C19orf38: variants seen among roughly 807,000 people sequenced by gnomAD.
The protein encoded by C19orf38 is protein HIDE1.
In C19orf38, 14 loss-of-function variants were observed where a neutral mutation model predicts 26.6. The ratio of observed to expected loss-of-function variants is 0.53; its 90% CI spans 0.35 to 0.82. C19orf38 has a LOEUF of 0.82. C19orf38 is among the 40% of genes least tolerant of loss of function. The pLI is 0.01. For missense variants in C19orf38, 261 were observed against 299.5 expected (o/e 0.87, Z 0.95); for synonymous variants, 132 against 128.5 (o/e 1.03, Z -0.18).
In C19orf38 at chr19:10,859,314, GTGTGTGTGTGTATGTA is replaced by G. The variant is rs1179975724; in HGVS notation, c.462-589_462-574del. On this transcript the variant is annotated intron_variant, in intron 4 of 6. Transcript: ENST00000397820. ...TGTATATGTGTGTGTGTGTATGTAT[GTGTGTGTGTGTATGTA>G]TGTGTGTGTGTGTGTGTGTATATAT... 1.1e-4 allele frequency among the ~76,000 whole-genome samples: 15 copies of G among 137,738 alleles called. No homozygotes were observed. In the South Asian group the frequency reaches 1.8e-3, roughly 17 times the overall value. 90.4% of individuals were successfully genotyped at this position (137,738 alleles called of 152,430 possible).
rs889798288 is a variant in C19orf38, at chr19:10,865,781, C to T, written c.543+2574C>T. On this transcript the variant is annotated intron_variant, in intron 6 of 6. Coordinates refer to ENST00000397820, the MANE Select transcript of C19orf38 (RefSeq NM_001136482.3). ...TTAGCAGCTGCACGTGGCAAATACA[C>T]GCAGAAGTGGATCTGTACCTTCACC... 2.6e-5 allele frequency among the ~76,000 whole-genome samples: 4 copies of T among 152,130 alleles called. No homozygotes were observed. In the South Asian group the frequency reaches 6.2e-4, roughly 24 times the overall value.
At chr19:10,848,842 C>A (rs2073541146) in intron 1 of C19orf38, among the ~76,000 whole-genome samples, 1 of 151,216 alleles carries the variant, frequency 6.6e-6, no homozygotes, top group Non-Finnish European at 1.5e-5. Flanking sequence ...TCCTTGAGTG[C>A]TGGGGCAGCA....
intron 6 of C19orf38, among the ~76,000 whole-genome samples, chr19:10,864,087 G>A (rs778272290): frequency 1.8e-4 from 28 of 152,188 alleles, no homozygotes; most frequent in South Asian, 1.2e-3. Context: ...TCAAGACAGA[G>A]TCTAGCTCTG....
At chr19:10,851,030 T>G (rs191099904) in intron 2 of C19orf38, among the ~76,000 whole-genome samples, 100 of 152,304 alleles carry the variant, frequency 6.6e-4, no homozygotes, top group African/African-American at 2.4e-3. Context: ...GTGACATACA[T>G]TACTTCCCCT....
chr19:10,863,039 C>A, intron 5 of C19orf38, 131 bp from the exon 6 acceptor site: 2 of 889,710 alleles, frequency 2.2e-6, no homozygotes, highest in South Asian at 1.5e-5. Context: ...GTTGGAAAGG[C>A]GCCATAGAGG....
At chr19:10,842,965 T>C (rs1201783583) in intron 1 of C19orf38, among the ~76,000 whole-genome samples, 2 of 152,142 alleles carry the variant, frequency 1.3e-5, no homozygotes, top group Admixed American at 1.3e-4. Context: ...AATGAGGAAA[T>C]GCTGACAATT....
Position 10,856,269 on chromosome 19 carries a change from C to G in C19orf38, c.345C>G (p.Pro115=), listed in dbSNP as rs1266150714. The G allele has an allele frequency of 6.4e-7, 1 of 1,550,588 alleles. No homozygotes were observed. ...TCTTTTCTGATTTTCCTCCAGTGCC[C>G]ACTTGGATCTTGGTGCTCTCCCTGA... ...SEPVNVSFPV[P]TWILVLSLSL... is the part of the protein sequence containing the mutation. Residue 115 remains proline, a synonymous_variant, in exon 3 of 7, where the codon CCC becomes CCG. Coordinates refer to ENST00000397820, the MANE Select transcript of C19orf38 (RefSeq NM_001136482.3).
Position 10,869,324 on chromosome 19 carries a change from C to T in C19orf38, c.650C>T (p.Ser217Leu), listed in dbSNP as rs769708747. 5 of 1,551,412 alleles carry T rather than the reference C, an allele frequency of 3.2e-6. No individual in the cohort carries two copies. Among genetic ancestry groups the T allele is most frequent in the Admixed American group, 2.0e-5 (1 of 50,952 alleles). The change falls in exon 7 of 7, where the codon TCG becomes TTG. Residue 217 changes from serine to leucine, a missense_variant. Transcript: ENST00000397820. ...AAGAGGCCCACTTCCACGTCCTCCT[C>T]GCCTGAGACCCCCGAATTCAGCACT... ...TRKRPTSTSS[S>L]PETPEFSTFR...
At chr19:10,866,309 T>C (rs2073750720) in intron 6 of C19orf38, among the ~76,000 whole-genome samples, 3 of 150,080 alleles carry the variant, frequency 2.0e-5, no homozygotes, top group Non-Finnish European at 4.4e-5. Flanking sequence ...CAAGCGATTC[T>C]CCTGCCGAGT....
Position 10,857,366 on chromosome 19 carries a change from A to ATATTT in C19orf38, c.434-949_434-948insATTTT, listed in dbSNP as rs1433358051. Reference sequence around the variant, plus strand: ...TATATATATATATATATATATATATATTTTTTTTTTTTTTTTTTTAAGATG... The same window carrying ATATTT: ...TATATATATATATATATATATATATATATTTTTTTTTTTTTTTTTTTTTTAAGATG... On this transcript the variant is annotated intron_variant, in intron 3 of 6. Coordinates refer to ENST00000397820, the MANE Select transcript of C19orf38 (RefSeq NM_001136482.3). Among the ~76,000 whole-genome samples the ATATTT allele has an allele frequency of 1.3e-3, 75 of 56,082 alleles. 1 individual carries two copies. The highest frequency in any genetic ancestry group is 4.0e-3 in the South Asian group (6 of 1,514). The allele number at this position is 56,082 out of a possible 152,430, so 36.8% of individuals were successfully genotyped here.
chr19:10,853,576 A>G (rs918279743), intron 2 of C19orf38, among the ~76,000 whole-genome samples: 7 of 144,032 alleles, frequency 4.9e-5, no homozygotes, highest in East Asian at 4.1e-4. Flanking sequence ...GTGAGCCACC[A>G]TGCCCAGCTC....
chr19:10,853,593 A>ATT lies in C19orf38; in HGVS notation c.341-2657_341-2656dup, dbSNP rs1386254257. Reference sequence around the variant, plus strand: ...GAGCCACCATGCCCAGCTCCCCCCAATTTTTTTTTTTTTTTTGAGACAGTC... The same window carrying ATT: ...GAGCCACCATGCCCAGCTCCCCCCAATTTTTTTTTTTTTTTTTTGAGACAGTC... On this transcript the variant is annotated intron_variant, in intron 2 of 6. Coordinates refer to ENST00000397820, the MANE Select transcript of C19orf38 (RefSeq NM_001136482.3). 1.5e-4 allele frequency among the ~76,000 whole-genome samples: 17 copies of ATT among 112,340 alleles called. 1 individual carries two copies. Among genetic ancestry groups the ATT allele is most frequent in the East Asian group, 2.7e-4 (1 of 3,726 alleles). The allele number at this position is 112,340 out of a possible 152,430, so 73.7% of individuals were successfully genotyped here. A position where few individuals can be genotyped will look rare whatever the true frequency, so the allele number is the denominator to read the frequency against.
upstream of C19orf38, among the ~76,000 whole-genome samples, chr19:10,845,333 A>G (rs1228723214): frequency 6.6e-6 from 1 of 152,224 alleles, no homozygotes; most frequent in Non-Finnish European, 1.5e-5. Context: ...CATTCTAAAA[A>G]GTCAGTACAT....
intron 6 of C19orf38, among the ~76,000 whole-genome samples, chr19:10,865,397 T>C (rs2073741891): frequency 6.6e-6 from 1 of 152,206 alleles, no homozygotes; most frequent in African/African-American, 2.4e-5. Flanking sequence ...TCCGCCCGCC[T>C]TGGCCTCCCA....
intron 4 of C19orf38, among the ~76,000 whole-genome samples, chr19:10,859,288 GTGTA>G (rs2073665827): frequency 6.8e-5 from 9 of 133,124 alleles, no homozygotes; most frequent in Admixed American, 6.3e-4. Context: ...GTATGTGTGT[GTGTA>G]TATGTGTGTG....
chr19:10,861,975 T>G (rs2073703034), intron 5 of C19orf38, among the ~76,000 whole-genome samples: 2 of 151,978 alleles, frequency 1.3e-5, no homozygotes, highest in South Asian at 4.1e-4. Flanking sequence ...CTGGGCTCAC[T>G]GCAAGCTCTG....
chr19:10,859,976 C>T lies in C19orf38; in HGVS notation c.505+18C>T. On this transcript the variant is annotated intron_variant, in intron 5 of 6. Transcript: ENST00000397820. ...CAGCACAGGTCTGTGCCTCCACACT[C>T]CTGACTCCAGTGGGGAAAGGATTAC... 3 of 1,548,592 alleles carry T rather than the reference C, an allele frequency of 1.9e-6. No homozygotes were observed. The highest frequency in any genetic ancestry group is 2.6e-6 in the Non-Finnish European group (3 of 1,144,022).
intron 6 of C19orf38, among the ~76,000 whole-genome samples, chr19:10,865,524 T>C (rs747585968): frequency 9.2e-5 from 14 of 152,072 alleles, no homozygotes; most frequent in Non-Finnish European, 1.8e-4. Context: ...CCCATCACTT[T>C]AAGAGGCCGA....
intron 4 of C19orf38, among the ~76,000 whole-genome samples, 188 bp downstream of exon 4, chr19:10,858,531 G>A (rs1444212114): frequency 6.6e-6 from 1 of 152,126 alleles, no homozygotes; most frequent in Non-Finnish European, 1.5e-5. Flanking sequence ...TCTGAAGCTG[G>A]AGCTCCTTAT....
Sources: gnomAD v4.1 joint callset for allele counts (sites outside exome capture counted in the v4.1 genomes callset) on GRCh38, gnomAD v4.1.1 for gene constraint, MANE v1.5 for transcripts, NCBI Gene and HGNC (gene_info 2026-07-23, HGNC 2026-07-21) for gene names.